TESMIN: variants seen among roughly 807,000 people sequenced by gnomAD.
TESMIN encodes testis expressed metallothionein like protein.
A neutral mutation model predicts 47.4 loss-of-function variants in TESMIN; 34 were observed. The ratio of observed to expected loss-of-function variants is 0.72; its 90% CI spans 0.55 to 0.96. The LOEUF (loss-of-function observed/expected upper bound fraction) is 0.96. Ranked by LOEUF, TESMIN falls within the 40% of genes least tolerant of loss-of-function variation. The pLI, the probability that TESMIN is intolerant of heterozygous loss-of-function variation, is 0.00. For missense variants in TESMIN, 610 were observed against 637.2 expected (o/e 0.96, Z 0.46); for synonymous variants, 278 against 258.9 (o/e 1.07, Z -0.71).
chr11:68,729,543 G>A (rs1946304158), intron 6 of TESMIN, among the ~76,000 whole-genome samples: 1 of 151,150 alleles, frequency 6.6e-6, no homozygotes, highest in African/African-American at 2.4e-5. Context: ...AAAAAAAGTT[G>A]ATTTCAACCC....
Position 68,708,261 on chromosome 11 carries a change from A to G in TESMIN, c.*47T>C. 6.6e-7 allele frequency: 1 copy of G among 1,505,196 alleles called. No individual in the cohort carries two copies. Among genetic ancestry groups the G allele is most frequent in the Non-Finnish European group, 9.0e-7 (1 of 1,115,990 alleles). 93.2% of individuals were successfully genotyped at this position (1,505,196 alleles called of 1,614,324 possible). ...CCCCTAAACATCCTTTCTAAACTAGAGATTTCTAGACTAAGACAAAATCAA... is the reference window on the plus strand; with the variant it reads ...CCCCTAAACATCCTTTCTAAACTAGGGATTTCTAGACTAAGACAAAATCAA... On this transcript the variant is annotated 3_prime_UTR_variant, in exon 10 of 10. Transcript: ENST00000255087.
In TESMIN at chr11:68,721,430, G is replaced by A. The variant is rs144637224; in HGVS notation, c.918-5491C>T. 3.9e-4 allele frequency among the ~76,000 whole-genome samples: 60 copies of A among 151,940 alleles called. No homozygotes were observed. In the East Asian group the frequency reaches 4.6e-3, roughly 12 times the overall value. On this transcript the variant is annotated intron_variant, in intron 6 of 9. Transcript: ENST00000255087. ...CCCGACTGCCATGCTTGCTCAACAC[G>A]TCCCACCCCCTCAGCCCATTACTGC... is the stretch of plus-strand genomic sequence containing the variant.
intron 5 of TESMIN, among the ~76,000 whole-genome samples, chr11:68,739,563 T>G (rs1047457899): frequency 2.0e-5 from 3 of 152,212 alleles, no homozygotes; most frequent in South Asian, 2.1e-4. Flanking sequence ...CTTTAAGAAG[T>G]ATAGTCTTAG....
chr11:68,708,373 A>G lies in TESMIN; in HGVS notation c.1462T>C (p.Phe488Leu). 1 of 1,613,920 alleles carries G rather than the reference A, an allele frequency of 6.2e-7. No homozygotes were observed. The highest frequency in any genetic ancestry group is 1.3e-5 in the African/African-American group (1 of 75,006). The change falls in exon 10 of 10, where the codon TTT becomes CTT. Residue 488 changes from phenylalanine to leucine, a missense_variant. Physicochemically the swap from Phe to Leu is conservative, Grantham distance 22. Transcript: ENST00000255087. ...AGAATCTGTGATAAGCACCTTCCAA[A>G]TTCCTCCAGGATCATCTGCTCTGCC... The part of the protein sequence containing the change: ...CLAEQMILEE[F>L]GRCLSQILHT...
intron 6 of TESMIN, among the ~76,000 whole-genome samples, chr11:68,730,743 C>T (rs1045099216): frequency 3.4e-5 from 5 of 148,300 alleles, no homozygotes; most frequent in African/African-American, 1.3e-4. Flanking sequence ...TGCAGTGAGC[C>T]GAGATCACAC....
chr11:68,713,759 C>T (rs991756678), intron 7 of TESMIN, among the ~76,000 whole-genome samples: 1 of 152,112 alleles, frequency 6.6e-6, no homozygotes, highest in Non-Finnish European at 1.5e-5. Flanking sequence ...TGGTTGAGAC[C>T]GTGGACCATA....
chr11:68,706,860 C>T (rs941037977), downstream of TESMIN, among the ~76,000 whole-genome samples: 8 of 152,136 alleles, frequency 5.3e-5, no homozygotes, highest in East Asian at 1.9e-4. Flanking sequence ...GCAGTGTTGC[C>T]GAGAGGGACA....
intron 2 of TESMIN, among the ~76,000 whole-genome samples, chr11:68,748,262 C>T (rs1266198990): frequency 6.6e-6 from 1 of 152,232 alleles, no homozygotes; most frequent in Non-Finnish European, 1.5e-5. Flanking sequence ...GAGGCCCAAA[C>T]AAATCATATT....
intron 6 of TESMIN, chr11:68,737,896 G>C: frequency 1.0e-6 from 1 of 958,796 alleles, no homozygotes; most frequent in Non-Finnish European, 1.2e-6. Context: ...CTGGGTGACA[G>C]AGCAAGAGTC....
intron 2 of TESMIN, among the ~76,000 whole-genome samples, chr11:68,748,912 T>G (rs1946555137): frequency 6.6e-6 from 1 of 152,216 alleles, no homozygotes. Context: ...CTCGGCTCAC[T>G]GCAGCCTTCG....
intron 3 of TESMIN, among the ~76,000 whole-genome samples, 189 bp from the exon 4 acceptor site, chr11:68,745,300 CAAAA>C (rs71993839): frequency 5.5e-5 from 4 of 72,472 alleles, no homozygotes; most frequent in East Asian, 4.5e-4. Flanking sequence ...CACCAAAGGG[CAAAA>C]AAAAAAAAAA....
chr11:68,742,447 C>T, intron 4 of TESMIN, 53 bp from the exon 5 acceptor site: 1 of 1,187,524 alleles, frequency 8.4e-7, no homozygotes, highest in South Asian at 1.4e-5. Flanking sequence ...TCCTCTTCCA[C>T]TTACACGTGG....
At chr11:68,706,976 C>T (rs183196861), downstream of TESMIN, among the ~76,000 whole-genome samples, 28 of 152,354 alleles carry the variant, frequency 1.8e-4, no homozygotes, top group East Asian at 3.9e-3. Flanking sequence ...CCCAGCAGTG[C>T]GCCTCCCTGT....
At chr11:68,715,365 TTC>T (rs1333747401) in intron 7 of TESMIN, among the ~76,000 whole-genome samples, 1 of 152,228 alleles carries the variant, frequency 6.6e-6, no homozygotes, top group Admixed American at 6.5e-5. Flanking sequence ...ACCTAGATTC[TTC>T]TCTTTTTCTG....
At chr11:68,710,811 T>C in intron 9 of TESMIN, 63 bp downstream of exon 9, 2 of 1,463,028 alleles carry the variant, frequency 1.4e-6, no homozygotes, top group Non-Finnish European at 1.9e-6. Flanking sequence ...AAATTGTCGT[T>C]AATTCTCCTC....
intron 6 of TESMIN, among the ~76,000 whole-genome samples, chr11:68,733,932 A>C (rs1290105560): frequency 6.6e-6 from 1 of 152,148 alleles, no homozygotes; most frequent in African/African-American, 2.4e-5. Context: ...CCAGGGAGCC[A>C]GTGTGCATGC....
At chr11:68,712,889 C>A (rs1029727951) in intron 8 of TESMIN, among the ~76,000 whole-genome samples, 1 of 152,218 alleles carries the variant, frequency 6.6e-6, no homozygotes, top group Admixed American at 6.5e-5. Context: ...ACGGCCCCAC[C>A]TAGAGCACCT....
intron 6 of TESMIN, chr11:68,738,295 G>A: frequency 5.0e-6 from 5 of 1,002,914 alleles, no homozygotes; most frequent in Non-Finnish European, 6.0e-6. Flanking sequence ...GAGGCAGCTG[G>A]AGGGCACTCT....
chr11:68,710,948 C>T lies in TESMIN; in HGVS notation c.1260G>A (p.Gln420=), dbSNP rs144793604. Residue 420 remains glutamine, a synonymous_variant, in exon 9 of 10, where the codon CAG becomes CAA. Coordinates refer to ENST00000255087, the MANE Select transcript of TESMIN (RefSeq NM_004923.3). ...AATGGCTGCCTTCCAAACCTCCAGT[C>T]TGCATGTAGTTTGGCATGCTCATTA... ...KTLMSMPNYM[Q]TGGLEGSHYL... The T allele has an allele frequency of 2.5e-3, 3,988 of 1,614,068 alleles. 9 individuals are homozygous for T. Among genetic ancestry groups the T allele is most frequent in the Middle Eastern group, 4.1e-3 (25 of 6,062 alleles).
Sources: allele counts gnomAD v4.1 joint callset (sites outside exome capture counted in the v4.1 genomes callset), GRCh38; gene constraint gnomAD v4.1.1; transcripts MANE v1.5; gene names NCBI Gene and HGNC (gene_info 2026-07-23, HGNC 2026-07-21).